The following KLC1 variants were observed in gnomAD, a reference collection of about 807,000 sequenced individuals.
KLC1 encodes the protein kinesin light chain 1.
In KLC1, 30 loss-of-function variants were observed where a neutral mutation model predicts 84.2. The ratio of observed to expected loss-of-function variants is 0.36; its 90% CI spans 0.27 to 0.48. The LOEUF (loss-of-function observed/expected upper bound fraction) is 0.48. Ranked by LOEUF, KLC1 falls within the 20% of genes least tolerant of loss-of-function variation. KLC1 has a pLI of 0.99. For synonymous variants in KLC1, 289 were observed against 293.3 expected (o/e 0.99, Z 0.15); for missense variants, 499 against 805.4 (o/e 0.62, Z 4.60).
At chr14:103,636,642 C>T (rs1389078710) in intron 1 of KLC1, among the ~76,000 whole-genome samples, 1 of 151,998 alleles carries the variant, frequency 6.6e-6, no homozygotes, top group Admixed American at 6.6e-5. Context: ...CTTTGTATGC[C>T]TGGATTTGTA....
chr14:103,666,383 C>CACT (rs1257000689), intron 5 of KLC1, among the ~76,000 whole-genome samples: 1 of 148,878 alleles, frequency 6.7e-6, no homozygotes, highest in East Asian at 2.1e-4. Context: ...TTCTTAAACC[C>CACT]ACTTGATTTA....
At chr14:103,699,433 C>T (rs1595626794) in intron 15 of KLC1, 2 of 1,612,940 alleles carry the variant, frequency 1.2e-6, no homozygotes, top group Non-Finnish European at 8.5e-7. Context: ...CCAGGGACTG[C>T]AGATGCCTGG....
intron 14 of KLC1, among the ~76,000 whole-genome samples, chr14:103,692,066 A>G (rs1344744821): frequency 1.3e-5 from 2 of 152,218 alleles, no homozygotes; most frequent in African/African-American, 2.4e-5. Context: ...CACTATACCC[A>G]GTCTAGATGA....
At chr14:103,646,002 C>T (rs1416669246) in intron 1 of KLC1, among the ~76,000 whole-genome samples, 2 of 152,050 alleles carry the variant, frequency 1.3e-5, no homozygotes, top group Admixed American at 1.3e-4. Flanking sequence ...TCGTGATCCA[C>T]CAGCCTCAGC....
intron 5 of KLC1, among the ~76,000 whole-genome samples, chr14:103,665,690 G>T (rs1409625794): frequency 6.6e-6 from 1 of 152,108 alleles, no homozygotes; most frequent in Non-Finnish European, 1.5e-5. Context: ...CACCCTCCTT[G>T]GCCTCCCAAA....
In KLC1 at chr14:103,692,370, C is replaced by A; in HGVS notation, c.1793C>A (p.Ala598Asp). The part of the protein sequence containing the change: ...SEPKNPGMKR[A>D]SSLNVLNVGG... ...TGTCCGGGTTGCAGCATGAAGCGTG[C>A]CAGCTCTCTGAATGTCCTTAACGTG... Residue 598 changes from alanine to aspartate, a missense_variant, in exon 15 of 17, where the codon GCC (alanine) becomes GAC (aspartate). Physicochemically the swap from Ala to Asp is moderately radical, Grantham distance 126 (BLOSUM62 -2). This residue lies in a region of KLC1 where 167 missense variants were observed against 208.8 expected (regional missense o/e 0.80). Coordinates refer to ENST00000334553, the MANE Select transcript of KLC1 (RefSeq NM_001394837.1). 1.3e-6 allele frequency: 2 copies of A among 1,536,672 alleles called. No homozygotes were observed. Among genetic ancestry groups the A allele is most frequent in the Non-Finnish European group, 1.7e-6 (2 of 1,147,028 alleles).
At chr14:103,696,517 ATT>A in intron 15 of KLC1, 1 of 985,354 alleles carries the variant, frequency 1.0e-6, no homozygotes, top group Non-Finnish European at 1.2e-6. Context: ...ACTGTATGGA[ATT>A]TTCTTGGAGG....
At chr14:103,646,944 G>C (rs911042636) in intron 1 of KLC1, among the ~76,000 whole-genome samples, 5 of 152,016 alleles carry the variant, frequency 3.3e-5, no homozygotes, top group African/African-American at 4.8e-5. Context: ...TATTACCTCT[G>C]CTTGGATTAC....
chr14:103,656,106 G>C (rs2078820709), intron 2 of KLC1, among the ~76,000 whole-genome samples: 1 of 152,170 alleles, frequency 6.6e-6, no homozygotes, highest in African/African-American at 2.4e-5. Flanking sequence ...CCCTGTTCTA[G>C]CATAGGGGAA....
At chr14:103,679,306 T>G (rs2081176413) in intron 12 of KLC1, 78 bp from the exon 13 acceptor site, 2 of 1,405,392 alleles carry the variant, frequency 1.4e-6, no homozygotes, top group African/African-American at 1.4e-5. Flanking sequence ...TTTTTTTTTC[T>G]AGCGAAGTAT....
chr14:103,648,019 C>T lies in KLC1; in HGVS notation c.-1-6545C>T, dbSNP rs533246768. On this transcript the variant is annotated intron_variant, in intron 1 of 16. Coordinates refer to ENST00000334553, the MANE Select transcript of KLC1 (RefSeq NM_001394837.1). ...AGGCTGGAGTGCAGTGGCGCGATCT[C>T]GGCTCACTGCAACCTCTGCCTCCCA... Among the ~76,000 whole-genome samples the T allele has an allele frequency of 4.1e-4, 62 of 151,616 alleles. No homozygotes were observed. In the East Asian group the frequency reaches 0.01, roughly 26 times the overall value.
intron 7 of KLC1, among the ~76,000 whole-genome samples, chr14:103,671,433 G>C (rs1012456663): frequency 6.6e-6 from 1 of 151,882 alleles, no homozygotes; most frequent in South Asian, 2.1e-4. Context: ...GCAGTGGCAC[G>C]ATCTCGGCTC....
intron 15 of KLC1, chr14:103,699,221 C>A (rs1450168254): frequency 6.5e-7 from 1 of 1,545,234 alleles, no homozygotes; most frequent in South Asian, 1.2e-5. Context: ...GGCTGAGGGT[C>A]TTCTCGATGG....
chr14:103,695,268 T>C, intron 15 of KLC1: 1 of 660,788 alleles, frequency 1.5e-6, no homozygotes, highest in Non-Finnish European at 1.9e-6. Flanking sequence ...CAAGAACAGC[T>C]TGGGCAACAC....
rs996215859 is a variant in KLC1, at chr14:103,699,152, C to T, written c.1849-1503C>T. On this transcript the variant is annotated intron_variant, in intron 15 of 16. Coordinates refer to ENST00000334553, the MANE Select transcript of KLC1 (RefSeq NM_001394837.1). ...ACTCACCCCAGCGGCCCGTGTGCTGCGCCCTGCTCCTCCATGGCCTCTGTC... is the reference window on the plus strand; with the variant it reads ...ACTCACCCCAGCGGCCCGTGTGCTGTGCCCTGCTCCTCCATGGCCTCTGTC... 5.1e-6 allele frequency: 8 copies of T among 1,570,910 alleles called. No homozygotes were observed. In the Admixed American group the frequency reaches 5.4e-5, roughly 11 times the overall value.
chr14:103,660,637 A>G (rs1259704649), intron 3 of KLC1, among the ~76,000 whole-genome samples: 2 of 151,928 alleles, frequency 1.3e-5, no homozygotes, highest in Non-Finnish European at 2.9e-5. Flanking sequence ...AAAAAATACA[A>G]AAAAATTAGC....
At chr14:103,629,829 C>A (rs999014808) in intron 1 of KLC1, among the ~76,000 whole-genome samples, 1 of 152,186 alleles carries the variant, frequency 6.6e-6, no homozygotes, top group African/African-American at 2.4e-5. Flanking sequence ...CCCCGCATCC[C>A]CGGCTTGGCC....
chr14:103,632,509 A>G (rs1407392213), intron 1 of KLC1, among the ~76,000 whole-genome samples: 1 of 152,058 alleles, frequency 6.6e-6, no homozygotes, highest in Admixed American at 6.6e-5. Context: ...TGAGGTCAGG[A>G]GTTTGAGACC....
At chr14:103,680,274 AT>A (rs11294847) in intron 13 of KLC1, among the ~76,000 whole-genome samples, 130,118 of 140,176 alleles carry the variant, frequency 0.93, 60,755 homozygotes, top group Non-Finnish European at 0.99. Context: ...TAGCACATGG[AT>A]TTTTTTTTTT....
Sources: gnomAD v4.1 joint callset for allele counts (sites outside exome capture counted in the v4.1 genomes callset) on GRCh38, gnomAD v4.1.1 for gene constraint, gnomAD v4.1.1 regional missense constraint, MANE v1.5 for transcripts, NCBI Gene and HGNC (gene_info 2026-07-23, HGNC 2026-07-21) for gene names.